The following RABGAP1L variants were observed in gnomAD, a reference collection of about 807,000 sequenced individuals.
RABGAP1L encodes the protein RAB GTPase activating protein 1 like.
Under a neutral mutation model 137.7 loss-of-function variants are expected in RABGAP1L, and 63 were observed. The observed-to-expected ratio is 0.46, with a 90% CI of 0.37 to 0.56. The LOEUF is 0.56. RABGAP1L is among the 20% of genes least tolerant of loss of function. The probability of loss-of-function intolerance (pLI) is 0.00; values close to 1 mark genes in which losing one functional copy is unlikely to be tolerated. For synonymous variants in RABGAP1L, 431 were observed against 433.7 expected (o/e 0.99, Z 0.08); for missense variants, 1,095 against 1,244.0 (o/e 0.88, Z 1.80).
At chr1:174,240,304 T>A (rs1261497299) in intron 4 of RABGAP1L, among the ~76,000 whole-genome samples, 1 of 152,228 alleles carries the variant, frequency 6.6e-6, no homozygotes, top group East Asian at 1.9e-4. Flanking sequence ...TGGAGTGCAG[T>A]GGCACGATCT....
intron 13 of RABGAP1L, among the ~76,000 whole-genome samples, chr1:174,460,072 A>G (rs1008849645): frequency 6.6e-6 from 1 of 152,036 alleles, no homozygotes; most frequent in African/African-American, 2.4e-5. Context: ...TTTGAGTGAC[A>G]AGGTATATTG....
At chr1:174,866,638 A>G (rs1317274365) in intron 19 of RABGAP1L, among the ~76,000 whole-genome samples, 1 of 152,274 alleles carries the variant, frequency 6.6e-6, no homozygotes. Flanking sequence ...CAGGCCAGGC[A>G]TGGTGGCTCA....
chr1:174,286,080 C>G (rs1210635631), intron 10 of RABGAP1L, among the ~76,000 whole-genome samples: 1 of 152,162 alleles, frequency 6.6e-6, no homozygotes, highest in African/African-American at 2.4e-5. Flanking sequence ...CAGGGTAATG[C>G]TGGCCCCATG....
At chr1:174,174,223 CACACACACACAA>C (rs748239705) in intron 1 of RABGAP1L, among the ~76,000 whole-genome samples, 1 of 125,958 alleles carries the variant, frequency 7.9e-6, no homozygotes, top group Non-Finnish European at 1.7e-5. Flanking sequence ...CACACACACA[CACACACACACAA>C]CTGAATAAGT....
chr1:174,857,697 T>C (rs897422921), intron 19 of RABGAP1L, among the ~76,000 whole-genome samples: 1 of 152,296 alleles, frequency 6.6e-6, no homozygotes, highest in East Asian at 1.9e-4. Context: ...TAATTAATAA[T>C]GATATGTATT....
chr1:174,233,108 G>A (rs1382945375), intron 4 of RABGAP1L, among the ~76,000 whole-genome samples: 1 of 152,032 alleles, frequency 6.6e-6, no homozygotes, highest in Non-Finnish European at 1.5e-5. Context: ...AGAGCTCTCT[G>A]GGGTTTCTTT....
intron 13 of RABGAP1L, among the ~76,000 whole-genome samples, chr1:174,636,182 A>G (rs995182999): frequency 1.1e-4 from 17 of 152,164 alleles, no homozygotes; most frequent in African/African-American, 3.1e-4. Flanking sequence ...ATTTCACTCA[A>G]TTTGGGGTTT....
intron 13 of RABGAP1L, among the ~76,000 whole-genome samples, chr1:174,434,507 G>A (rs1198279684): frequency 6.6e-6 from 1 of 152,098 alleles, no homozygotes; most frequent in Non-Finnish European, 1.5e-5. Context: ...GAGAGATAGG[G>A]TAGATTTTCT....
chr1:174,961,634 C>T (rs917361633), intron 20 of RABGAP1L, among the ~76,000 whole-genome samples: 1 of 148,008 alleles, frequency 6.8e-6, no homozygotes, highest in African/African-American at 2.5e-5. Context: ...CACTTGAGGT[C>T]AGGAGTTCCA....
chr1:174,425,175 T>C (rs1374319017), intron 13 of RABGAP1L, among the ~76,000 whole-genome samples: 1 of 152,086 alleles, frequency 6.6e-6, no homozygotes, highest in East Asian at 1.9e-4. Flanking sequence ...CAATAGATAG[T>C]GTAGGATGTT....
In RABGAP1L at chr1:174,982,819, T is replaced by C; in HGVS notation, c.2734-15T>C. The C allele has an allele frequency of 6.5e-7, 1 of 1,550,070 alleles. No homozygotes were observed. The highest frequency in any genetic ancestry group is 8.7e-7 in the Non-Finnish European group (1 of 1,146,604). On this transcript the variant is annotated splice_polypyrimidine_tract_variant and intron_variant, in intron 23 of 25. Coordinates refer to ENST00000681986, the MANE Select transcript of RABGAP1L (RefSeq NM_001366446.1). Reference sequence around the variant, plus strand: ...TGTTCTGTTTTCTAGTAAAAGACTCTTTTCTCATCCTTAGATCTGTTCGCA... The same window carrying C: ...TGTTCTGTTTTCTAGTAAAAGACTCCTTTCTCATCCTTAGATCTGTTCGCA...
At chr1:174,963,914 G>A (rs1669391747) in intron 20 of RABGAP1L, among the ~76,000 whole-genome samples, 1 of 152,070 alleles carries the variant, frequency 6.6e-6, no homozygotes, top group Non-Finnish European at 1.5e-5. Context: ...TTTAAGCGCT[G>A]AAAGAAATGC....
At chr1:174,692,170 T>C (rs1357766281) in intron 15 of RABGAP1L, among the ~76,000 whole-genome samples, 1 of 152,120 alleles carries the variant, frequency 6.6e-6, no homozygotes, top group Non-Finnish European at 1.5e-5. Context: ...AAAAGGCAGA[T>C]ATATGCAGAA....
intron 15 of RABGAP1L, among the ~76,000 whole-genome samples, chr1:174,689,473 A>G (rs1368774094): frequency 6.6e-6 from 1 of 152,158 alleles, no homozygotes; most frequent in Non-Finnish European, 1.5e-5. Context: ...ATTGGACTGC[A>G]GAGTTCATAT....
chr1:174,940,005 C>T (rs1229538666), intron 19 of RABGAP1L, among the ~76,000 whole-genome samples: 1 of 152,166 alleles, frequency 6.6e-6, no homozygotes, highest in Non-Finnish European at 1.5e-5. Flanking sequence ...GCAGTAGATA[C>T]CAACTGTAAG....
intron 11 of RABGAP1L, among the ~76,000 whole-genome samples, chr1:174,305,718 T>G (rs970599647): frequency 6.6e-6 from 1 of 151,956 alleles, no homozygotes; most frequent in African/African-American, 2.4e-5. Flanking sequence ...TAGTTGTAAT[T>G]ATAGCCTTTT....
chr1:174,601,333 C>T (rs1670396109), intron 13 of RABGAP1L, among the ~76,000 whole-genome samples: 1 of 152,210 alleles, frequency 6.6e-6, no homozygotes, highest in Non-Finnish European at 1.5e-5. Context: ...TGGGAATTAA[C>T]ATTAGGCTCC....
intron 3 of RABGAP1L, among the ~76,000 whole-genome samples, chr1:174,226,436 A>G (rs1670183976): frequency 6.6e-6 from 1 of 151,238 alleles, no homozygotes; most frequent in South Asian, 2.2e-4. Flanking sequence ...GTTGCTTTTT[A>G]TATTCTGTCG....
intron 13 of RABGAP1L, among the ~76,000 whole-genome samples, chr1:174,568,898 TAGTA>T (rs1269428856): frequency 4.6e-5 from 7 of 152,176 alleles, no homozygotes; most frequent in South Asian, 2.1e-4. Flanking sequence ...AGAAGGAAAT[TAGTA>T]AGAGAAAAAA....
Sources: gnomAD v4.1 joint callset for allele counts (sites outside exome capture counted in the v4.1 genomes callset) on GRCh38, gnomAD v4.1.1 for gene constraint, MANE v1.5 for transcripts, NCBI Gene and HGNC (gene_info 2026-07-23, HGNC 2026-07-21) for gene names.